DNAH2: variants seen among roughly 807,000 people sequenced by gnomAD.
DNAH2 encodes axonemal beta dynein heavy chain 2.
DNAH2 carries 323 observed loss-of-function variants against 523.5 expected under a neutral mutation model. The ratio of observed to expected loss-of-function variants is 0.62; its 90% CI spans 0.56 to 0.68. The LOEUF (loss-of-function observed/expected upper bound fraction) is 0.68. Among genes scored for constraint, DNAH2 ranks in the 30% least tolerant of loss-of-function variants. DNAH2 has a pLI of 0.00. For missense variants in DNAH2, 4,907 were observed against 5,701.5 expected (o/e 0.86, Z 4.49); for synonymous variants, 2,093 against 2,177.4 (o/e 0.96, Z 1.08).
chr17:7,763,844 G>A lies in DNAH2; in HGVS notation c.2992G>A (p.Ala998Thr). The change falls in exon 19 of 86, where the codon GCT becomes ACT. Residue 998 changes from alanine to threonine, a missense_variant. This residue lies in a region of DNAH2 where 2,806 missense variants were observed against 3,190.8 expected (regional missense o/e 0.88). Coordinates refer to ENST00000572933, the MANE Select transcript of DNAH2 (RefSeq NM_020877.5). ...GGGCTCTTGCAGCTACACGGAAGTT[G>A]CTAATAACGTGCAGAAGGAGGAGAC... is the stretch of plus-strand genomic sequence containing the variant. ...VADIARYTEV[A>T]NNVQKEETVT... The A allele has an allele frequency of 6.2e-7, 1 of 1,614,130 alleles. No homozygotes were observed. Among genetic ancestry groups the A allele is most frequent in the South Asian group, 1.1e-5 (1 of 91,086 alleles).
chr17:7,831,009 C>G lies in DNAH2; in HGVS notation c.12231-77C>G. On this transcript the variant is annotated intron_variant, in intron 79 of 85. Transcript: ENST00000572933. The surrounding 1 kb of genome is among the most constrained non-coding windows in gnomAD (Gnocchi z 4.2). ...CAGGGAGCTGGACAAATTGGACATG[C>G]ATAGGTTTGGGGTCTTGGCCTGGCA... 6.6e-7 allele frequency: 1 copy of G among 1,522,552 alleles called. No individual in the cohort carries two copies. The highest frequency in any genetic ancestry group is 1.2e-5 in the South Asian group (1 of 86,458). 94.3% of individuals were successfully genotyped at this position (1,522,552 alleles called of 1,614,324 possible).
Position 7,786,238 on chromosome 17 carries a change from A to C in DNAH2, c.6244A>C (p.Ile2082Leu). 1 of 1,613,988 alleles carries C rather than the reference A, an allele frequency of 6.2e-7. No individual in the cohort carries two copies. Among genetic ancestry groups the C allele is most frequent in the Non-Finnish European group, 8.5e-7 (1 of 1,179,998 alleles). ...CAAGAACTCCCGCCACTCCACCATG[A>C]TCGTGGGCTGCACGGGCAGCGGCAA... The part of the protein sequence containing the change: ...ETKNSRHSTM[I>L]VGCTGSGKTA... Residue 2082 changes from isoleucine (I) to leucine (L), a missense_variant, in exon 40 of 86, where the codon ATC becomes CTC. Transcript: ENST00000572933. This position sits in a 1 kb window ranked among gnomAD's most constrained non-coding sequence, Gnocchi z 7.5.
intron 31 of DNAH2, among the ~76,000 whole-genome samples, 197 bp from the exon 32 acceptor site, chr17:7,776,582 C>A (rs1045696718): frequency 6.6e-6 from 1 of 152,162 alleles, no homozygotes; most frequent in Non-Finnish European, 1.5e-5. Flanking sequence ...TTTCTTACCC[C>A]CCTTTCTGAG....
At position 7,798,156 on chromosome 17, in the gene DNAH2, G is replaced by A. The variant is rs1442093320; in HGVS notation, c.8231-1G>A. On this transcript the variant is annotated splice_acceptor_variant, in intron 53 of 85. Coordinates refer to ENST00000572933, the MANE Select transcript of DNAH2 (RefSeq NM_020877.5). LOFTEE classifies it high-confidence loss of function. This position sits in a 1 kb window ranked among gnomAD's most constrained non-coding sequence, Gnocchi z 5.5. ...TACCCTCACACCCACCCCACCCCCAGTCACACGGATCGTGCGGGTCATTGG... is the reference window on the plus strand; with the variant it reads ...TACCCTCACACCCACCCCACCCCCAATCACACGGATCGTGCGGGTCATTGG... 1 of 1,587,220 alleles carries A rather than the reference G, an allele frequency of 6.3e-7. No homozygotes were observed. Among genetic ancestry groups the A allele is most frequent in the Non-Finnish European group, 8.6e-7 (1 of 1,160,264 alleles).
intron 12 of DNAH2, among the ~76,000 whole-genome samples, chr17:7,747,459 C>T (rs1214772081): frequency 2.6e-5 from 4 of 152,126 alleles, no homozygotes; most frequent in Non-Finnish European, 5.9e-5. Flanking sequence ...TTGACTATTC[C>T]GTGCTGGTGG....
At chr17:7,740,311 G>T in intron 9 of DNAH2, 109 bp from the exon 10 acceptor site, 1 of 1,515,364 alleles carries the variant, frequency 6.6e-7, no homozygotes, top group Admixed American at 2.0e-5. Context: ...GGAGTGCCTG[G>T]CACACAGGAA....
chr17:7,719,766 T>G lies in DNAH2; in HGVS notation c.32T>G (p.Leu11Trp). Reference protein sequence around the residue: MSSKAEKKQRLSGRGSSQASW... With the variant: MSSKAEKKQRWSGRGSSQASW... The stretch of plus-strand genomic sequence containing the variant: ...AGCAAAGCTGAGAAGAAGCAGCGAT[T>G]GAGTGGCCGAGGAAGCTCCCAGGCA... Residue 11 changes from leucine (L) to tryptophan (W), a missense_variant, in exon 2 of 86, where the codon TTG becomes TGG. Leu to Trp is a moderately conservative substitution (Grantham distance 61). Transcript: ENST00000572933. The G allele has an allele frequency of 6.2e-7, 1 of 1,614,228 alleles. No individual in the cohort carries two copies. Among genetic ancestry groups the G allele is most frequent in the Non-Finnish European group, 8.5e-7 (1 of 1,180,046 alleles).
At position 7,768,209 on chromosome 17, in the gene DNAH2, C is replaced by T; in HGVS notation, c.3883C>T (p.Gln1295Ter). Reference sequence around the variant, plus strand: ...TGAAACCACTCGCTCAAAAATAGAGCAGTTCAAGAGGACCATGCCTCTCAT... The same window carrying T: ...TGAAACCACTCGCTCAAAAATAGAGTAGTTCAAGAGGACCATGCCTCTCAT... ...IIETTRSKIEQFKRTMPLISD... is the reference protein window; with the variant it reads ...IIETTRSKIE The change falls in exon 24 of 86, where the codon CAG becomes TAG. Residue 1295 changes from glutamine (Q) to a stop codon, truncating the protein, a stop_gained. Coordinates refer to ENST00000572933, the MANE Select transcript of DNAH2 (RefSeq NM_020877.5). LOFTEE classifies it high-confidence loss of function. 1 of 1,614,168 alleles carries T rather than the reference C, an allele frequency of 6.2e-7. No homozygotes were observed. The highest frequency in any genetic ancestry group is 8.5e-7 in the Non-Finnish European group (1 of 1,180,036).
chr17:7,744,293 C>CA (rs397977899), intron 12 of DNAH2, among the ~76,000 whole-genome samples: 2,005 of 35,756 alleles, frequency 0.056, 60 homozygotes, highest in African/African-American at 0.065. Context: ...GTCTCCGTCT[C>CA]AAAAAAAAAA....
chr17:7,791,993 G>A lies in DNAH2; in HGVS notation c.6977G>A (p.Cys2326Tyr). The A allele has an allele frequency of 1.9e-6, 3 of 1,614,092 alleles. No individual in the cohort carries two copies. The highest frequency in any genetic ancestry group is 2.5e-6 in the Non-Finnish European group (3 of 1,180,022). ...TFVFSMIWSV[C>Y]ASVDEEGRKR... ...GTGTTCAGCATGATCTGGTCTGTGT[G>A]TGCCTCTGTGGATGAGGAGGGCCGG... The change falls in exon 45 of 86, where the codon TGT (cysteine) becomes TAT (tyrosine). Residue 2326 changes from cysteine to tyrosine, a missense_variant. By Grantham distance (194) the Cys-to-Tyr change is radical. Coordinates refer to ENST00000572933, the MANE Select transcript of DNAH2 (RefSeq NM_020877.5).
chr17:7,759,927 A>G lies in DNAH2; in HGVS notation c.2774A>G (p.Gln925Arg), dbSNP rs777891402. The change falls in exon 17 of 86, where the codon CAA (glutamine) becomes CGA (arginine). Residue 925 changes from glutamine to arginine, a missense_variant. By Grantham distance (43) the Gln-to-Arg change is conservative. Coordinates refer to ENST00000572933, the MANE Select transcript of DNAH2 (RefSeq NM_020877.5). ...CGCAAGTTACATCGTGAACCCATCC[A>G]AACAGTTGTGGGTGAGTGGGCAACG... ...TKRKLHREPI[Q>R]TVVEQDEDIK... 1 of 1,614,174 alleles carries G rather than the reference A, an allele frequency of 6.2e-7. No individual in the cohort carries two copies. Among genetic ancestry groups the G allele is most frequent in the South Asian group, 1.1e-5 (1 of 91,084 alleles).
intron 12 of DNAH2, among the ~76,000 whole-genome samples, chr17:7,751,004 T>A (rs1348134621): frequency 6.6e-6 from 1 of 152,188 alleles, no homozygotes; most frequent in African/African-American, 2.4e-5. Flanking sequence ...ATTTCAGCAG[T>A]ATTTAGAATG....
intron 28 of DNAH2, among the ~76,000 whole-genome samples, chr17:7,771,728 T>C (rs1209255746): frequency 6.6e-6 from 1 of 152,128 alleles, no homozygotes; most frequent in Admixed American, 6.6e-5. Flanking sequence ...AAAAAAAATT[T>C]TTTTTTTGAG....
At position 7,819,127 on chromosome 17, in the gene DNAH2, G is replaced by A. The variant is rs545058823; in HGVS notation, c.10815+64G>A. 1.7e-5 allele frequency: 27 copies of A among 1,602,672 alleles called. 1 individual carries two copies. Among genetic ancestry groups the A allele is most frequent in the South Asian group, 1.2e-4 (11 of 90,848 alleles). ...ATCCAAGATGCAACTCCATCATGAC[G>A]GCTCGAGACCCCTCCTTCCCTGAGC... On this transcript the variant is annotated intron_variant, in intron 71 of 85. Transcript: ENST00000572933.
chr17:7,726,048 C>T (rs1249453239), intron 3 of DNAH2, among the ~76,000 whole-genome samples: 3 of 152,106 alleles, frequency 2.0e-5, no homozygotes, highest in Non-Finnish European at 4.4e-5. Flanking sequence ...CTCTGTCGCC[C>T]AGGCTGGAGG....
chr17:7,750,654 C>T (rs2075657797), intron 12 of DNAH2, among the ~76,000 whole-genome samples: 1 of 152,108 alleles, frequency 6.6e-6, no homozygotes, highest in Non-Finnish European at 1.5e-5. Context: ...TGGAGGCTTT[C>T]CTTAAATGCC....
At chr17:7,810,371 T>C (rs1438269142) in intron 63 of DNAH2, among the ~76,000 whole-genome samples, 1 of 151,844 alleles carries the variant, frequency 6.6e-6, no homozygotes, top group Non-Finnish European at 1.5e-5. Flanking sequence ...GGCCCAAATA[T>C]ACCCTTTTTG....
At chr17:7,723,268 CTTT>C (rs58689789) in intron 2 of DNAH2, among the ~76,000 whole-genome samples, 2 of 59,906 alleles carry the variant, frequency 3.3e-5, no homozygotes, top group Non-Finnish European at 5.5e-5. Context: ...CTGTACCCGG[CTTT>C]TTTTTTTTTT....
rs763981025 is a variant in DNAH2, at chr17:7,830,841, C to T, written c.12229C>T (p.Arg4077Trp). The T allele has an allele frequency of 2.2e-5, 35 of 1,613,748 alleles. No homozygotes were observed. The highest frequency in any genetic ancestry group is 2.5e-5 in the Non-Finnish European group (30 of 1,180,002). Residue 4077 changes from arginine (R) to tryptophan (W), a missense_variant and splice_region_variant, in exon 79 of 86, where the codon CGG becomes TGG. This residue lies in a region of DNAH2 where 1,851 missense variants were observed against 2,139.4 expected (regional missense o/e 0.87). Coordinates refer to ENST00000572933, the MANE Select transcript of DNAH2 (RefSeq NM_020877.5). Reference sequence around the variant, plus strand: ...CCAGTCTCTATCAACTCCCTTCCACCGGTGAGGGGGAGGTGGCCCTGGACA... The same window carrying T: ...CCAGTCTCTATCAACTCCCTTCCACTGGTGAGGGGGAGGTGGCCCTGGACA... ...CDQSLSTPFH[R>W]LSALETYFIP...
Sources: allele counts gnomAD v4.1 joint callset (sites outside exome capture counted in the v4.1 genomes callset), GRCh38; gene constraint gnomAD v4.1.1; regional missense constraint gnomAD v4.1.1; non-coding constraint Gnocchi (gnomAD v3.1); transcripts MANE v1.5; gene names NCBI Gene and HGNC (gene_info 2026-07-23, HGNC 2026-07-21).